OR9Q1: variants seen among roughly 807,000 people sequenced by gnomAD.
OR9Q1 encodes the protein olfactory receptor family 9 subfamily Q member 1.
For missense variants in OR9Q1, 374 were observed against 378.8 expected (o/e 0.99, Z 0.11); for synonymous variants, 153 against 148.6 (o/e 1.03, Z -0.22).
At chr11:58,070,273 C>G (rs12226617) in intron 2 of OR9Q1, among the ~76,000 whole-genome samples, 37,419 of 151,716 alleles carry the variant, frequency 0.25, 5,227 homozygotes, top group East Asian at 0.58. Context: ...GCCTTGGCCT[C>G]CCAAAGTGCT....
chr11:58,117,510 G>A (rs1433438009), intron 2 of OR9Q1: 1 of 152,164 alleles, frequency 6.6e-6, no homozygotes, highest in Non-Finnish European at 1.5e-5. Flanking sequence ...CTTTCAAAAG[G>A]CTTTGGACTC....
At chr11:58,118,253 A>AGC (rs1321607953) in intron 2 of OR9Q1, 2 of 342,382 alleles carry the variant, frequency 5.8e-6, no homozygotes, top group Admixed American at 8.7e-5. Flanking sequence ...TTGTGACATT[A>AGC]GAGAATATTA....
At chr11:58,179,205 T>C (rs1269509508) in intron 2 of OR9Q1, among the ~76,000 whole-genome samples, 2 of 151,850 alleles carry the variant, frequency 1.3e-5, no homozygotes, top group East Asian at 3.9e-4. Flanking sequence ...TTTGCATTTT[T>C]AGTAGAGATG....
chr11:58,119,739 G>A (rs575282273), intron 2 of OR9Q1, among the ~76,000 whole-genome samples: 1 of 152,296 alleles, frequency 6.6e-6, no homozygotes, highest in South Asian at 2.1e-4. Flanking sequence ...GACCTAGACA[G>A]TATCTGTTCC....
chr11:58,069,761 C>T (rs760061396), intron 2 of OR9Q1, among the ~76,000 whole-genome samples: 27 of 151,372 alleles, frequency 1.8e-4, no homozygotes, highest in East Asian at 8.1e-4. Context: ...GTCCTAGCTA[C>T]GGGGGAAGCT....
At chr11:58,032,658 A>T (rs1853054335) in intron 1 of OR9Q1, among the ~76,000 whole-genome samples, 1 of 152,214 alleles carries the variant, frequency 6.6e-6, no homozygotes, top group African/African-American at 2.4e-5. Context: ...CTATAAAAAA[A>T]TCCTGGAAGA....
At chr11:58,042,199 G>A (rs1021311643) in intron 1 of OR9Q1, among the ~76,000 whole-genome samples, 1 of 139,850 alleles carries the variant, frequency 7.2e-6, no homozygotes, top group African/African-American at 2.5e-5. Flanking sequence ...CCTGAGCCCT[G>A]GAATAGTCAT....
At chr11:58,161,099 T>G (rs1158023721) in intron 2 of OR9Q1, among the ~76,000 whole-genome samples, 2 of 139,600 alleles carry the variant, frequency 1.4e-5, no homozygotes, top group Non-Finnish European at 1.5e-5. Context: ...CTGTCTGGGG[T>G]CGGGGGCTGG....
intron 2 of OR9Q1, chr11:58,117,392 G>A (rs1243700518): frequency 7.0e-6 from 1 of 143,334 alleles, no homozygotes; most frequent in Non-Finnish European, 1.5e-5. Context: ...TCATGAGGAA[G>A]TACTTCCTTA....
At chr11:58,103,411 A>C (rs1853809448) in intron 2 of OR9Q1, among the ~76,000 whole-genome samples, 8 of 152,176 alleles carry the variant, frequency 5.3e-5, no homozygotes. Flanking sequence ...TAGGCAAATC[A>C]TATCAGTATC....
chr11:58,046,203 G>T (rs1370469207), intron 1 of OR9Q1, among the ~76,000 whole-genome samples: 2 of 151,810 alleles, frequency 1.3e-5, no homozygotes, highest in African/African-American at 4.8e-5. Flanking sequence ...TCAGCCCCTT[G>T]CCTGTGGGGC....
At chr11:58,168,612 C>CT (rs970117354) in intron 2 of OR9Q1, among the ~76,000 whole-genome samples, 4 of 151,566 alleles carry the variant, frequency 2.6e-5, no homozygotes, top group African/African-American at 7.3e-5. Flanking sequence ...TCCAATGCCT[C>CT]TTTTTTTTCC....
At chr11:58,130,804 C>CAA (rs71454318) in intron 2 of OR9Q1, among the ~76,000 whole-genome samples, 34 of 129,218 alleles carry the variant, frequency 2.6e-4, no homozygotes, top group African/African-American at 9.4e-4. Context: ...AAGACTGTCT[C>CAA]AAAAAAAAAA....
At chr11:58,094,214 C>T (rs971089709) in intron 2 of OR9Q1, among the ~76,000 whole-genome samples, 1 of 152,074 alleles carries the variant, frequency 6.6e-6, no homozygotes, top group Admixed American at 6.5e-5. Context: ...ACTGAATGTT[C>T]TTACTTATAA....
At chr11:58,118,855 A>G (rs770277733) in intron 2 of OR9Q1, 4 of 1,614,016 alleles carry the variant, frequency 2.5e-6, no homozygotes, top group Admixed American at 3.3e-5. Flanking sequence ...GATGATGACA[A>G]TCTCGATGTT....
At chr11:58,076,628 T>A (rs1362674592) in intron 2 of OR9Q1, among the ~76,000 whole-genome samples, 1 of 152,212 alleles carries the variant, frequency 6.6e-6, no homozygotes, top group East Asian at 1.9e-4. Flanking sequence ...ACCCAATATA[T>A]AACTTTAGAA....
intron 2 of OR9Q1, chr11:58,109,185 A>G (rs1457659950): frequency 4.1e-6 from 2 of 483,726 alleles, no homozygotes; most frequent in Non-Finnish European, 8.4e-6. Flanking sequence ...TGCACGTGGT[A>G]TGCAGAATGG....
intron 2 of OR9Q1, among the ~76,000 whole-genome samples, chr11:58,150,366 G>C (rs558389920): frequency 6.6e-6 from 1 of 152,238 alleles, no homozygotes; most frequent in South Asian, 2.1e-4. Flanking sequence ...AGAACCACTG[G>C]TATCAAGCGA....
chr11:58,034,527 A>G lies in OR9Q1; in HGVS notation c.-93+10423A>G, dbSNP rs1018862925. ...AAAATTCAAATTTCAGCGCCCATAA[A>G]TCAAGCTTAATTAGAACATAGTCAC... On this transcript the variant is annotated intron_variant, in intron 1 of 2. Coordinates refer to ENST00000335397, the MANE Select transcript of OR9Q1 (RefSeq NM_001005212.4). Among the ~76,000 whole-genome samples the G allele has an allele frequency of 2.0e-5, 3 of 152,154 alleles. No homozygotes were observed. The South Asian group carries it at 6.2e-4, about 32-fold the overall frequency.
Sources: gnomAD v4.1 joint callset for allele counts (sites outside exome capture counted in the v4.1 genomes callset) on GRCh38, gnomAD v4.1.1 for gene constraint, MANE v1.5 for transcripts, NCBI Gene and HGNC (gene_info 2026-07-23, HGNC 2026-07-21) for gene names.